The following PLD5 variants were observed in gnomAD, a reference collection of about 807,000 sequenced individuals.
PLD5 encodes the protein inactive phospholipase D5.
In PLD5, 36 loss-of-function variants were observed where a neutral mutation model predicts 61.1. The observed-to-expected ratio is 0.59, with a 90% confidence interval of 0.45 to 0.78. The LOEUF (loss-of-function observed/expected upper bound fraction) is 0.78. PLD5 is among the 30% of genes least tolerant of loss of function. The pLI is 0.00. For synonymous variants in PLD5, 243 were observed against 242.8 expected (o/e 1.00, Z -0.01); for missense variants, 515 against 644.4 (o/e 0.80, Z 2.17).
chr1:242,165,835 T>C (rs1215689739), intron 5 of PLD5, among the ~76,000 whole-genome samples: 12 of 152,188 alleles, frequency 7.9e-5, no homozygotes, highest in African/African-American at 4.8e-5. Context: ...GTTTTCCCAG[T>C]GTGTCCTTTA....
intron 4 of PLD5, among the ~76,000 whole-genome samples, chr1:242,251,439 T>C (rs1672692887): frequency 6.6e-6 from 1 of 152,056 alleles, no homozygotes; most frequent in African/African-American, 2.4e-5. Flanking sequence ...AAGCAGTACA[T>C]AGTGTTCAAA....
chr1:242,325,801 A>G (rs1658736710), intron 2 of PLD5, among the ~76,000 whole-genome samples: 3 of 152,164 alleles, frequency 2.0e-5, no homozygotes, highest in African/African-American at 4.8e-5. Context: ...AGCTCTCAGA[A>G]CTTATGGGAA....
At chr1:242,337,229 T>A (rs145619755) in intron 2 of PLD5, among the ~76,000 whole-genome samples, 7,323 of 152,346 alleles carry the variant, frequency 0.048, 534 homozygotes, top group African/African-American at 0.16. Flanking sequence ...CTTTCTATTT[T>A]CTCTTCTATT....
At chr1:242,433,938 A>C (rs1288228326) in intron 1 of PLD5, among the ~76,000 whole-genome samples, 1 of 152,200 alleles carries the variant, frequency 6.6e-6, no homozygotes, top group Non-Finnish European at 1.5e-5. Context: ...ACTGACAGAA[A>C]ATGAGGTCAG....
chr1:242,151,287 T>C (rs534127240), intron 5 of PLD5, among the ~76,000 whole-genome samples: 2 of 152,144 alleles, frequency 1.3e-5, no homozygotes, highest in African/African-American at 4.8e-5. Flanking sequence ...GATCATATTC[T>C]TTATGCCTAA....
intron 1 of PLD5, among the ~76,000 whole-genome samples, chr1:242,425,353 C>T (rs968958174): frequency 3.9e-5 from 6 of 152,128 alleles, no homozygotes; most frequent in African/African-American, 1.4e-4. Flanking sequence ...GGAATTATAA[C>T]ACAATGGTAA....
chr1:242,174,894 G>A lies in PLD5; in HGVS notation c.735+45094C>T, dbSNP rs192360226. Among the ~76,000 whole-genome samples the A allele has an allele frequency of 3.0e-3, 460 of 151,868 alleles. 5 individuals are homozygous for A. Among genetic ancestry groups the A allele is most frequent in the African/African-American group, 0.01 (424 of 41,460 alleles). ...AAGGGGAACGTCACACACCGGGGCC[G>A]GTCATGAGGTGGGGGGAGGGATAGC... On this transcript the variant is annotated intron_variant, in intron 5 of 9. Coordinates refer to ENST00000536534, the MANE Select transcript of PLD5 (RefSeq NM_001372062.1).
At chr1:242,405,794 G>A (rs1273042151) in intron 1 of PLD5, among the ~76,000 whole-genome samples, 1 of 151,894 alleles carries the variant, frequency 6.6e-6, no homozygotes, top group Non-Finnish European at 1.5e-5. Context: ...TAGAGACAGG[G>A]TTTCTCCATG....
upstream of PLD5, among the ~76,000 whole-genome samples, chr1:242,525,720 C>T (rs192856245): frequency 3.5e-4 from 53 of 152,256 alleles, no homozygotes; most frequent in African/African-American, 1.2e-3. Context: ...GGCTCTCTAG[C>T]CCTCGGCAGA....
intron 3 of PLD5, among the ~76,000 whole-genome samples, chr1:242,267,201 G>C (rs201666960): frequency 9.3e-6 from 1 of 107,892 alleles, no homozygotes; most frequent in Admixed American, 9.8e-5. Flanking sequence ...GAAAAGGAAA[G>C]GGAAAGGGAA....
At chr1:242,426,484 T>C (rs1182462994) in intron 1 of PLD5, among the ~76,000 whole-genome samples, 1 of 152,154 alleles carries the variant, frequency 6.6e-6, no homozygotes, top group Non-Finnish European at 1.5e-5. Context: ...GTACAGTAGG[T>C]GATACACCTG....
intron 4 of PLD5, among the ~76,000 whole-genome samples, chr1:242,227,743 T>G (rs866695870): frequency 4.7e-4 from 72 of 152,328 alleles, no homozygotes; most frequent in African/African-American, 1.6e-3. Flanking sequence ...AGTACAGATC[T>G]GTGGGGACCA....
intron 5 of PLD5, among the ~76,000 whole-genome samples, chr1:242,139,389 A>C (rs1416747415): frequency 6.6e-6 from 1 of 152,136 alleles, no homozygotes; most frequent in African/African-American, 2.4e-5. Context: ...TGGTCACTGC[A>C]AAAGATTCTT....
At chr1:242,101,525 C>A (rs548667957) in intron 8 of PLD5, among the ~76,000 whole-genome samples, 88 of 152,274 alleles carry the variant, frequency 5.8e-4, no homozygotes, top group African/African-American at 1.9e-3. Flanking sequence ...AACTCCATGA[C>A]TCAGCTCACT....
chr1:242,346,967 C>T (rs1352004535), intron 2 of PLD5, among the ~76,000 whole-genome samples: 1 of 152,210 alleles, frequency 6.6e-6, no homozygotes, highest in Non-Finnish European at 1.5e-5. Context: ...CCATTCATGT[C>T]CCTGCAAAGG....
Position 242,351,169 on chromosome 1 carries a change from G to A in PLD5, c.190-2927C>T, listed in dbSNP as rs111761184. On this transcript the variant is annotated intron_variant, in intron 1 of 9. Transcript: ENST00000536534. The stretch of plus-strand genomic sequence containing the variant: ...ACCCACCTCAGTCTCCCAAAGTGCC[G>A]GGATTACAGGCATGAGCAACCGCGC... Among the ~76,000 whole-genome samples, 697 of 152,178 alleles carry A rather than the reference G, an allele frequency of 4.6e-3. 2 individuals are homozygous for A. Among genetic ancestry groups the A allele is most frequent in the Non-Finnish European group, 7.8e-3 (533 of 67,984 alleles).
chr1:242,284,082 A>G (rs1249767928), intron 3 of PLD5, among the ~76,000 whole-genome samples: 8 of 134,162 alleles, frequency 6.0e-5, no homozygotes, highest in Non-Finnish European at 1.1e-4. Flanking sequence ...GGGGGAAAGG[A>G]GGGGAATAGA....
chr1:242,469,278 C>T (rs1315663552), intron 1 of PLD5, among the ~76,000 whole-genome samples: 1 of 152,204 alleles, frequency 6.6e-6, no homozygotes, highest in African/African-American at 2.4e-5. Context: ...AATGGGGATG[C>T]TTTCCTGCCC....
upstream of PLD5, among the ~76,000 whole-genome samples, chr1:242,526,017 T>G (rs562010920): frequency 1.3e-5 from 2 of 152,200 alleles, no homozygotes; most frequent in Non-Finnish European, 2.9e-5. Flanking sequence ...CATGTTATCC[T>G]GCAAGATAAA....
Sources: gnomAD v4.1 joint callset for allele counts (sites outside exome capture counted in the v4.1 genomes callset) on GRCh38, gnomAD v4.1.1 for gene constraint, MANE v1.5 for transcripts, NCBI Gene and HGNC (gene_info 2026-07-23, HGNC 2026-07-21) for gene names.